Variants in CDKL2 observed in about 807,000 individuals in gnomAD.
CDKL2 encodes the protein cyclin-dependent kinase-like 2.
CDKL2 carries 64 observed loss-of-function variants against 63.9 expected under a neutral mutation model. The ratio of observed to expected loss-of-function variants is 1.00; its 90% CI spans 0.82 to 1.23. The LOEUF is 1.23. CDKL2 is among the 50% of genes most tolerant of loss of function. The pLI, the probability that CDKL2 is intolerant of heterozygous loss-of-function variation, is 0.00. For synonymous variants in CDKL2, 211 were observed against 229.2 expected (o/e 0.92, Z 0.72); for missense variants, 656 against 668.0 (o/e 0.98, Z 0.20).
At chr4:75,589,690 C>T (rs1728625731) in intron 12 of CDKL2, among the ~76,000 whole-genome samples, 1 of 152,024 alleles carries the variant, frequency 6.6e-6, no homozygotes, top group Non-Finnish European at 1.5e-5. Context: ...ACTGTATATT[C>T]ACACACAAAA....
At chr4:75,599,787 G>A (rs113507311) in intron 7 of CDKL2, among the ~76,000 whole-genome samples, 1,798 of 152,148 alleles carry the variant, frequency 0.012, 41 homozygotes, top group African/African-American at 0.042. Flanking sequence ...TCTTTGTTTC[G>A]TCAGCTGCAC....
chr4:75,628,309 G>T (rs1730526681), intron 1 of CDKL2, among the ~76,000 whole-genome samples: 1 of 152,026 alleles, frequency 6.6e-6, no homozygotes, highest in South Asian at 2.1e-4. Flanking sequence ...TAGAGACGGG[G>T]TTTCACCGTG....
At chr4:75,580,901 C>T (rs1247931273) in intron 13 of CDKL2, among the ~76,000 whole-genome samples, 2 of 151,390 alleles carry the variant, frequency 1.3e-5, no homozygotes, top group Non-Finnish European at 1.5e-5. Context: ...GGGGTTTCAC[C>T]GTGTTAGCCA....
intron 3 of CDKL2, among the ~76,000 whole-genome samples, chr4:75,613,717 C>T (rs1729801792): frequency 6.6e-6 from 1 of 152,166 alleles, no homozygotes; most frequent in African/African-American, 2.4e-5. Flanking sequence ...AAATTCATCA[C>T]TTAAAATTTG....
At chr4:75,605,246 G>A (rs113497366) in intron 5 of CDKL2, among the ~76,000 whole-genome samples, 23,057 of 151,732 alleles carry the variant, frequency 0.15, 2,364 homozygotes, top group African/African-American at 0.29. Context: ...CCAGCTACTC[G>A]GGAGGCTGAG....
intron 1 of CDKL2, among the ~76,000 whole-genome samples, chr4:75,627,489 T>G (rs1730473909): frequency 6.6e-6 from 1 of 152,038 alleles, no homozygotes; most frequent in South Asian, 2.1e-4. Context: ...CAGGCTGATC[T>G]CAAACTCCTG....
chr4:75,621,274 C>A (rs1578352853), intron 2 of CDKL2, among the ~76,000 whole-genome samples: 3 of 109,542 alleles, frequency 2.7e-5, no homozygotes, highest in East Asian at 2.4e-4. Context: ...TTGATAGAAG[C>A]AAGAGCCATA....
chr4:75,603,496 C>T (rs1189770005), intron 6 of CDKL2, among the ~76,000 whole-genome samples: 1 of 149,558 alleles, frequency 6.7e-6, no homozygotes, highest in African/African-American at 2.4e-5. Flanking sequence ...TTTGGGAGGC[C>T]GAGGCGGGCG....
In CDKL2 at chr4:75,598,187, C is replaced by A; in HGVS notation, c.910G>T (p.Val304Leu). Residue 304 changes from valine (V) to leucine (L), a missense_variant, in exon 8 of 14, where the codon GTA becomes TTA. Val to Leu is a conservative substitution (Grantham distance 32). Coordinates refer to ENST00000307465, the MANE Select transcript of CDKL2 (RefSeq NM_001330724.2). ...ERFSQELQLK[V>L]QKDARNVSLS... Reference sequence around the variant, plus strand: ...GAAACATTTCTGGCATCTTTCTGTACTTTTAACTGTAGTTCTTGGGAAAAC... The same window carrying A: ...GAAACATTTCTGGCATCTTTCTGTAATTTTAACTGTAGTTCTTGGGAAAAC... 6.7e-7 allele frequency: 1 copy of A among 1,499,178 alleles called. No homozygotes were observed. Among genetic ancestry groups the A allele is most frequent in the Non-Finnish European group, 9.1e-7 (1 of 1,099,890 alleles). The allele number at this position is 1,499,178 out of a possible 1,614,324, so 92.9% of individuals were successfully genotyped here. A position where few individuals can be genotyped will look rare whatever the true frequency, so the allele number is the denominator to read the frequency against.
At chr4:75,582,804 C>T (rs964615059) in intron 12 of CDKL2, among the ~76,000 whole-genome samples, 2 of 151,942 alleles carry the variant, frequency 1.3e-5, no homozygotes, top group Non-Finnish European at 2.9e-5. Flanking sequence ...GAAAATGAAA[C>T]ATTACATATA....
At position 75,577,475 on chromosome 4, in the gene CDKL2, C is replaced by A. The variant is rs2148850919; in HGVS notation, c.*1727G>T. Among the ~76,000 whole-genome samples the A allele has an allele frequency of 6.6e-6, 1 of 152,206 alleles. No homozygotes were observed. Among genetic ancestry groups the A allele is most frequent in the Admixed American group, 6.5e-5 (1 of 15,288 alleles). ...AAGTGTTTTAATAGGCAAAAGATAT[C>A]AAAAGCTAGTATAAAAACTGCAAGG... is the stretch of plus-strand genomic sequence containing the variant. On this transcript the variant is annotated 3_prime_UTR_variant, in exon 14 of 14. Transcript: ENST00000307465.
chr4:75,621,133 A>G (rs1313355299), intron 2 of CDKL2, among the ~76,000 whole-genome samples: 2 of 151,984 alleles, frequency 1.3e-5, no homozygotes, highest in African/African-American at 4.8e-5. Flanking sequence ...ACAGGGTTTC[A>G]CCACGTTGGC....
At chr4:75,591,298 TA>T (rs1170412492) in intron 12 of CDKL2, among the ~76,000 whole-genome samples, 3 of 152,114 alleles carry the variant, frequency 2.0e-5, no homozygotes, top group Non-Finnish European at 4.4e-5. Context: ...TTTTAACCTA[TA>T]AAAAATGGAT....
In CDKL2 at chr4:75,592,214, C is replaced by A. The variant is rs1560575704; in HGVS notation, c.1472G>T (p.Arg491Met). ...WASKKRREYSRTDVRLPELNY... is the reference protein window; with the variant it reads ...WASKKRREYSMTDVRLPELNY... The stretch of plus-strand genomic sequence containing the variant: ...TAGTTCAGGCAAACGGACATCTGTC[C>A]TGGAGTATTCTCTTCTTTTCTTACT... The change falls in exon 11 of 14, where the codon AGG becomes ATG. Residue 491 changes from arginine (R) to methionine (M), a missense_variant. Arg to Met is a moderately conservative substitution (Grantham distance 91, BLOSUM62 -1). Transcript: ENST00000307465. 6.5e-7 allele frequency: 1 copy of A among 1,534,942 alleles called. No individual in the cohort carries two copies. Among genetic ancestry groups the A allele is most frequent in the Admixed American group, 2.0e-5 (1 of 50,808 alleles).
rs1437261497 is a variant in CDKL2, at chr4:75,579,193, G to A, written c.*24-15C>T. ...AAGAGCATCATCTAAAAGCACAGGA[G>A]GATATACCACCAACTATTTTACAAA... On this transcript the variant is annotated splice_polypyrimidine_tract_variant and intron_variant, in intron 13 of 13. Coordinates refer to ENST00000307465, the MANE Select transcript of CDKL2 (RefSeq NM_001330724.2). 1 of 152,010 alleles carries A rather than the reference G, an allele frequency of 6.6e-6. No individual in the cohort carries two copies. The highest frequency in any genetic ancestry group is 2.4e-5 in the African/African-American group (1 of 41,376). 9.4% of individuals were successfully genotyped at this position (152,010 alleles called of 1,614,324 possible). A position where few individuals can be genotyped will look rare whatever the true frequency, so the allele number is the denominator to read the frequency against.
At chr4:75,590,649 AG>A (rs1158949611) in intron 12 of CDKL2, among the ~76,000 whole-genome samples, 13 of 152,184 alleles carry the variant, frequency 8.5e-5, no homozygotes, top group Non-Finnish European at 1.6e-4. Flanking sequence ...TGGGAGGCAA[AG>A]GTTGCAGTGA....
chr4:75,617,824 C>T (rs1045468341), intron 2 of CDKL2, among the ~76,000 whole-genome samples: 4 of 152,062 alleles, frequency 2.6e-5, no homozygotes, highest in African/African-American at 9.7e-5. Context: ...GACTATCGGC[C>T]GGGCATGGTG....
At chr4:75,612,543 A>T (rs966078307) in intron 3 of CDKL2, among the ~76,000 whole-genome samples, 1 of 152,202 alleles carries the variant, frequency 6.6e-6, no homozygotes, top group Non-Finnish European at 1.5e-5. Flanking sequence ...TAGGGCATTC[A>T]GCCACCTAAC....
At chr4:75,613,984 G>C (rs942003502) in intron 3 of CDKL2, among the ~76,000 whole-genome samples, 1 of 152,126 alleles carries the variant, frequency 6.6e-6, no homozygotes, top group Non-Finnish European at 1.5e-5. Flanking sequence ...TTGAACCTGG[G>C]GGGCAGAGGT....
Sources: allele counts gnomAD v4.1 joint callset (sites outside exome capture counted in the v4.1 genomes callset), GRCh38; gene constraint gnomAD v4.1.1; transcripts MANE v1.5; gene names NCBI Gene and HGNC (gene_info 2026-07-23, HGNC 2026-07-21).